Variants in CSMD1 observed in about 807,000 individuals in gnomAD.
The protein encoded by CSMD1 is CUB and Sushi multiple domains 1.
In CSMD1, 213 loss-of-function variants were observed where a neutral mutation model predicts 417.5. The observed-to-expected ratio is 0.51, with a 90% CI of 0.46 to 0.57. The LOEUF (loss-of-function observed/expected upper bound fraction) is 0.57. Ranked by LOEUF, CSMD1 falls within the 20% of genes least tolerant of loss-of-function variation. The probability of loss-of-function intolerance (pLI) is 0.00; values close to 1 mark genes in which losing one functional copy is unlikely to be tolerated. For missense variants in CSMD1, 6,923 were observed against 4,529.7 expected, an observed-to-expected ratio of 1.53 and a Z score of -15.17; for synonymous variants, 2,862 against 1,736.8, an observed-to-expected ratio of 1.65 and a Z score of -16.11.
At chr8:4,914,858 A>G (rs540260191) in intron 1 of CSMD1, among the ~76,000 whole-genome samples, 90 of 152,242 alleles carry the variant, frequency 5.9e-4, no homozygotes, top group African/African-American at 2.1e-3. Flanking sequence ...CTGCTATTTC[A>G]CCTTCACCTC....
At chr8:3,097,603 TGA>T (rs1209725397) in intron 46 of CSMD1, among the ~76,000 whole-genome samples, 1 of 152,108 alleles carries the variant, frequency 6.6e-6, no homozygotes, top group Non-Finnish European at 1.5e-5. Flanking sequence ...ATGTCCTGGG[TGA>T]GACATAGCCC....
At chr8:3,759,059 G>A (rs968021503) in intron 5 of CSMD1, among the ~76,000 whole-genome samples, 1 of 152,182 alleles carries the variant, frequency 6.6e-6, no homozygotes, top group South Asian at 2.1e-4. Flanking sequence ...GAGCAACACA[G>A]CCCAGCTGAC....
At chr8:4,989,954 C>G (rs1811376025) in intron 1 of CSMD1, among the ~76,000 whole-genome samples, 1 of 152,152 alleles carries the variant, frequency 6.6e-6, no homozygotes, top group Admixed American at 6.5e-5. Context: ...GAGCTGCTTT[C>G]GCCTGTAGAA....
At chr8:4,978,825 C>A (rs988751249) in intron 1 of CSMD1, among the ~76,000 whole-genome samples, 1 of 152,074 alleles carries the variant, frequency 6.6e-6, no homozygotes, top group African/African-American at 2.4e-5. Context: ...GTAATCCCAG[C>A]TACTCGGGAG....
chr8:3,537,413 C>T (rs1489076577), intron 10 of CSMD1, among the ~76,000 whole-genome samples: 1 of 152,152 alleles, frequency 6.6e-6, no homozygotes, highest in East Asian at 1.9e-4. Context: ...GACACAAATA[C>T]TACACCTGTT....
chr8:4,583,074 G>C (rs1042057941), intron 2 of CSMD1, among the ~76,000 whole-genome samples: 2 of 152,206 alleles, frequency 1.3e-5, no homozygotes, highest in African/African-American at 4.8e-5. Context: ...GCGGGGCAGG[G>C]CTCAGGACCT....
At chr8:3,159,210 A>C (rs1267713435) in intron 38 of CSMD1, among the ~76,000 whole-genome samples, 1 of 152,176 alleles carries the variant, frequency 6.6e-6, no homozygotes, top group Non-Finnish European at 1.5e-5. Context: ...ACTACCAATA[A>C]AATGGTCATT....
At chr8:4,022,340 G>A (rs191364769) in intron 4 of CSMD1, among the ~76,000 whole-genome samples, 1 of 152,000 alleles carries the variant, frequency 6.6e-6, no homozygotes, top group Non-Finnish European at 1.5e-5. Flanking sequence ...CAATTCAGCA[G>A]AAGTGAATAG....
chr8:3,530,220 C>T (rs189490603), intron 10 of CSMD1, among the ~76,000 whole-genome samples: 1 of 152,192 alleles, frequency 6.6e-6, no homozygotes, highest in Non-Finnish European at 1.5e-5. Context: ...ATTTAGTTTG[C>T]TCTTTTTTTA....
rs552276252 is a variant in CSMD1, at chr8:3,626,992, T to C, written c.1010-10195A>G. The stretch of plus-strand genomic sequence containing the variant: ...AGTATTTGTTTACCATAGTACGATA[T>C]ATAAAAGGAAATAAGTTCAAGTATT... On this transcript the variant is annotated intron_variant, in intron 7 of 69. Transcript: ENST00000635120. Among the ~76,000 whole-genome samples, 33 of 152,050 alleles carry C rather than the reference T, an allele frequency of 2.2e-4. No individual in the cohort carries two copies. In the East Asian group the frequency reaches 5.8e-3, roughly 27 times the overall value.
At chr8:4,349,677 T>C (rs1302618100) in intron 3 of CSMD1, among the ~76,000 whole-genome samples, 1 of 152,200 alleles carries the variant, frequency 6.6e-6, no homozygotes, top group Non-Finnish European at 1.5e-5. Flanking sequence ...AATTTTGAAA[T>C]GTGGCCAATT....
intron 3 of CSMD1, among the ~76,000 whole-genome samples, chr8:4,273,922 T>C (rs146738932): frequency 1.9e-4 from 29 of 152,326 alleles, no homozygotes; most frequent in African/African-American, 6.7e-4. Flanking sequence ...TATCACTGGA[T>C]TACTTTTCTA....
intron 20 of CSMD1, among the ~76,000 whole-genome samples, chr8:3,363,338 A>G (rs1323126634): frequency 6.6e-6 from 1 of 152,186 alleles, no homozygotes; most frequent in East Asian, 1.9e-4. Flanking sequence ...CAAATACAGA[A>G]AAGTCATTAT....
chr8:3,864,473 CT>C (rs549881857), intron 5 of CSMD1, among the ~76,000 whole-genome samples: 8 of 152,092 alleles, frequency 5.3e-5, no homozygotes, highest in South Asian at 2.1e-4. Flanking sequence ...GAGGAAGACA[CT>C]TTTTTTATTA....
chr8:3,834,879 C>G (rs1802586401), intron 5 of CSMD1, among the ~76,000 whole-genome samples: 1 of 151,882 alleles, frequency 6.6e-6, no homozygotes, highest in Non-Finnish European at 1.5e-5. Flanking sequence ...AAGAAAAAAA[C>G]AAACAACCCC....
At chr8:3,222,380 G>A (rs775747699) in intron 28 of CSMD1, among the ~76,000 whole-genome samples, 9 of 151,842 alleles carry the variant, frequency 5.9e-5, no homozygotes, top group African/African-American at 1.7e-4. Flanking sequence ...GACACTCATA[G>A]CTCATTGCAG....
intron 5 of CSMD1, among the ~76,000 whole-genome samples, chr8:3,805,462 C>T (rs1284835250): frequency 2.6e-5 from 4 of 152,174 alleles, no homozygotes; most frequent in Non-Finnish European, 4.4e-5. Context: ...CTACTCCCTC[C>T]CTCTTTCTGA....
At chr8:4,076,115 T>G (rs373487957) in intron 3 of CSMD1, among the ~76,000 whole-genome samples, 1 of 152,130 alleles carries the variant, frequency 6.6e-6, no homozygotes. Flanking sequence ...CCACGTGTCA[T>G]GGGAGGGACC....
At chr8:3,511,003 A>T (rs6991544) in intron 10 of CSMD1, among the ~76,000 whole-genome samples, 2 of 151,330 alleles carry the variant, frequency 1.3e-5, no homozygotes, top group African/African-American at 4.9e-5. Context: ...ATGATAGACC[A>T]AACAAAGAAA....
Sources: allele counts gnomAD v4.1 joint callset (sites outside exome capture counted in the v4.1 genomes callset), GRCh38; gene constraint gnomAD v4.1.1; transcripts MANE v1.5; gene names NCBI Gene and HGNC (gene_info 2026-07-23, HGNC 2026-07-21).